The following ZBTB47 variants were observed in gnomAD, a reference collection of about 807,000 sequenced individuals.
The protein encoded by ZBTB47 is zinc finger and BTB domain containing 47.
Under a neutral mutation model 56.6 loss-of-function variants are expected in ZBTB47, and 24 were observed. The ratio of observed to expected loss-of-function variants is 0.42; its 90% CI spans 0.31 to 0.60. The LOEUF (loss-of-function observed/expected upper bound fraction) is 0.60, where lower values mean the gene tolerates loss of function less well. Ranked by LOEUF, ZBTB47 falls within the 20% of genes least tolerant of loss-of-function variation. The pLI, the probability that ZBTB47 is intolerant of heterozygous loss-of-function variation, is 0.14. For synonymous variants in ZBTB47, 414 were observed against 418.9 expected (o/e 0.99, Z 0.14); for missense variants, 829 against 1,032.6 (o/e 0.80, Z 2.70).
rs1710782938 is a variant in ZBTB47, at chr3:42,665,875, CT to C, written c.*1280del. 1 of 152,678 alleles carries C rather than the reference CT, an allele frequency of 6.5e-6. No individual in the cohort carries two copies. Among genetic ancestry groups the C allele is most frequent in the African/African-American group, 2.4e-5 (1 of 41,466 alleles). The allele number at this position is 152,678 out of a possible 1,614,324, so 9.5% of individuals were successfully genotyped here. A position where few individuals can be genotyped will look rare whatever the true frequency, so the allele number is the denominator to read the frequency against. On this transcript the variant is annotated 3_prime_UTR_variant, in exon 6 of 6. Transcript: ENST00000232974. The stretch of plus-strand genomic sequence containing the variant: ...TGTCATTTAATGTCTTTATTCCTGC[CT>C]TTAATATGGGGAGGAAGGTTCCATA...
Position 42,664,984 on chromosome 3 carries a change from C to T in ZBTB47, c.*386C>T, listed in dbSNP as rs914380024. 15 of 170,508 alleles carry T rather than the reference C, an allele frequency of 8.8e-5. No individual in the cohort carries two copies. Among genetic ancestry groups the T allele is most frequent in the Non-Finnish European group, 1.9e-4 (15 of 81,052 alleles). The allele number at this position is 170,508 out of a possible 1,614,324, so 10.6% of individuals were successfully genotyped here. A position where few individuals can be genotyped will look rare whatever the true frequency, so the allele number is the denominator to read the frequency against. ...CCAGTCCCTCTGCCAAGGCCTGTGC[C>T]AGAGGGGTTGGCCAGTTGGAGCCTG... On this transcript the variant is annotated 3_prime_UTR_variant, in exon 6 of 6. Coordinates refer to ENST00000232974, the MANE Select transcript of ZBTB47 (RefSeq NM_145166.4).
rs746147117 is a variant in ZBTB47, at chr3:42,659,593, C to A, written c.1238C>A (p.Ala413Glu). ...RPKPPPGVASASARGPPATDG... is the reference protein window; with the variant it reads ...RPKPPPGVASESARGPPATDG... ...AAGCCACCCCCTGGAGTGGCCTCTG[C>A]ATCGGCCCGAGGGCCGCCAGCCACT... Residue 413 changes from alanine to glutamate, a missense_variant, in exon 2 of 6, where the codon GCA (alanine) becomes GAA (glutamate). Around this residue, in one of 6 missense-constraint regions of ZBTB47, gnomAD observed 187 missense variants for 253.1 expected, o/e 0.74. Transcript: ENST00000232974. 6.2e-7 allele frequency: 1 copy of A among 1,600,342 alleles called. No individual in the cohort carries two copies. The highest frequency in any genetic ancestry group is 1.7e-5 in the Admixed American group (1 of 58,162).
rs1057444721 is a variant in ZBTB47 at position 42,658,271 on chromosome 3, G to T, written c.-81-4G>T. On this transcript the variant is annotated splice_polypyrimidine_tract_variant and splice_region_variant and intron_variant, in intron 1 of 5. Transcript: ENST00000232974. ...ACCCACTCCTGTGCCCTCTGTCCCC[G>T]CAGTTGCTGGTTGAGAAGACAACTG... 3 of 1,469,468 alleles carry T rather than the reference G, an allele frequency of 2.0e-6. No homozygotes were observed. The highest frequency in any genetic ancestry group is 4.5e-5 in the Admixed American group (2 of 44,102). 91.0% of individuals were successfully genotyped at this position (1,469,468 alleles called of 1,614,324 possible).
Position 42,663,669 on chromosome 3 carries a change from C to T in ZBTB47, c.1738-128C>T, listed in dbSNP as rs918383655. 8.0e-7 allele frequency: 1 copy of T among 1,246,892 alleles called. No homozygotes were observed. The highest frequency in any genetic ancestry group is 1.5e-5 in the African/African-American group (1 of 66,462). The allele number at this position is 1,246,892 out of a possible 1,614,324, so 77.2% of individuals were successfully genotyped here. ...TGCACCTCGGCTTGCCCTCATGTCC[C>T]CATCTCCTTGCCCAGGAGCCCCTGA... On this transcript the variant is annotated intron_variant, in intron 4 of 5. Coordinates refer to ENST00000232974, the MANE Select transcript of ZBTB47 (RefSeq NM_145166.4). The surrounding 1 kb of genome is among the most constrained non-coding windows in gnomAD (Gnocchi z 5.1).
At position 42,667,076 on chromosome 3, in the gene ZBTB47, C is replaced by T. The variant is rs1411828848; in HGVS notation, c.*2478C>T. Among the ~76,000 whole-genome samples, 1 of 152,268 alleles carries T rather than the reference C, an allele frequency of 6.6e-6. No individual in the cohort carries two copies. Among genetic ancestry groups the T allele is most frequent in the Non-Finnish European group, 1.5e-5 (1 of 68,050 alleles). The stretch of plus-strand genomic sequence containing the variant: ...GGGGTTCCTGTTTTACTAGCTTTTA[C>T]ATCTTTTTATTTAAAACAAAACAAC... On this transcript the variant is annotated 3_prime_UTR_variant, in exon 6 of 6. Coordinates refer to ENST00000232974, the MANE Select transcript of ZBTB47 (RefSeq NM_145166.4).
chr3:42,659,619 G>A lies in ZBTB47; in HGVS notation c.1264G>A (p.Asp422Asn), dbSNP rs1306860285. ...ATCGGCCCGAGGGCCGCCAGCCACT[G>A]ATGGGCTGGGGGCCAAGGTGAAGCT... ...SASARGPPAT[D>N]GLGAKVKLEE... Residue 422 changes from aspartate to asparagine, a missense_variant, in exon 2 of 6, where the codon GAT (aspartate) becomes AAT (asparagine). Around this residue, in one of 6 missense-constraint regions of ZBTB47, gnomAD observed 187 missense variants for 253.1 expected, o/e 0.74. Transcript: ENST00000232974. 1 of 1,610,182 alleles carries A rather than the reference G, an allele frequency of 6.2e-7. No homozygotes were observed. The highest frequency in any genetic ancestry group is 2.2e-5 in the East Asian group (1 of 44,752).
Position 42,659,701 on chromosome 3 carries a change from G to A in ZBTB47, c.1346G>A (p.Trp449Ter). 2.5e-6 allele frequency: 4 copies of A among 1,613,572 alleles called. No individual in the cohort carries two copies. The highest frequency in any genetic ancestry group is 3.4e-6 in the Non-Finnish European group (4 of 1,179,716). The part of the protein sequence containing the change: ...QKCPRVFNNR[W>*]YLEKHMNVTH... ...TGCCCACGAGTTTTCAACAACCGCT[G>A]GTACCTGGAGAAACACATGAATGTG... Residue 449 changes from tryptophan (W) to a stop codon, truncating the protein, a stop_gained, in exon 2 of 6, where the codon TGG becomes TAG. Transcript: ENST00000232974. LOFTEE classifies it high-confidence loss of function.
intron 2 of ZBTB47, among the ~76,000 whole-genome samples, 191 bp downstream of exon 2, chr3:42,660,019 G>A (rs979685738): frequency 6.6e-6 from 1 of 152,186 alleles, no homozygotes; most frequent in South Asian, 2.1e-4. Flanking sequence ...ACATCAAGCC[G>A]AGCTTCCTGG....
chr3:42,664,725 G>C lies in ZBTB47; in HGVS notation c.*127G>C. On this transcript the variant is annotated 3_prime_UTR_variant, in exon 6 of 6. Transcript: ENST00000232974. ...CCTGCTCCACCTCCAGAAGTGGCTG[G>C]ATGTACCCTGCCTGAGGCCCCGACG... is the stretch of plus-strand genomic sequence containing the variant. 8.5e-7 allele frequency: 1 copy of C among 1,170,254 alleles called. No individual in the cohort carries two copies. The allele number at this position is 1,170,254 out of a possible 1,614,324, so 72.5% of individuals were successfully genotyped here.
chr3:42,664,206 T>C (rs1184825997), intron 5 of ZBTB47, 31 bp from the exon 6 acceptor site: 2 of 1,609,634 alleles, frequency 1.2e-6, no homozygotes, highest in South Asian at 2.2e-5. Flanking sequence ...GACCCCTCAC[T>C]GACGCCCTGC....
Position 42,654,844 on chromosome 3 carries a change from G to A in ZBTB47, c.-82+961G>A. On this transcript the variant is annotated intron_variant, in intron 1 of 5. Transcript: ENST00000232974. The surrounding 1 kb of genome is among the most constrained non-coding windows in gnomAD (Gnocchi z 5.0). Reference sequence around the variant, plus strand: ...CGGCTCCATCTGCTGGGTCCCGCGGGCCGGGAATGCGGCGCTGTGGCGCTG... The same window carrying A: ...CGGCTCCATCTGCTGGGTCCCGCGGACCGGGAATGCGGCGCTGTGGCGCTG... 2.5e-6 allele frequency: 1 copy of A among 394,324 alleles called. No homozygotes were observed. The highest frequency in any genetic ancestry group is 3.5e-6 in the Non-Finnish European group (1 of 289,588). 24.4% of individuals were successfully genotyped at this position (394,324 alleles called of 1,614,324 possible).
In ZBTB47 at chr3:42,664,749, C is replaced by T. The variant is rs938692013; in HGVS notation, c.*151C>T. On this transcript the variant is annotated 3_prime_UTR_variant, in exon 6 of 6. Coordinates refer to ENST00000232974, the MANE Select transcript of ZBTB47 (RefSeq NM_145166.4). ...GGATGTACCCTGCCTGAGGCCCCGACGAGGAGGGGTATGCAGGCTGGCAGG... is the reference window on the plus strand; with the variant it reads ...GGATGTACCCTGCCTGAGGCCCCGATGAGGAGGGGTATGCAGGCTGGCAGG... The T allele has an allele frequency of 6.5e-6, 6 of 923,228 alleles. No homozygotes were observed. Among genetic ancestry groups the T allele is most frequent in the South Asian group, 7.4e-5 (2 of 27,022 alleles). The allele number at this position is 923,228 out of a possible 1,614,324, so 57.2% of individuals were successfully genotyped here. A position where few individuals can be genotyped will look rare whatever the true frequency, so the allele number is the denominator to read the frequency against.
chr3:42,655,213 C>T (rs1279428060), intron 1 of ZBTB47, among the ~76,000 whole-genome samples: 1 of 152,120 alleles, frequency 6.6e-6, no homozygotes, highest in Non-Finnish European at 1.5e-5. Context: ...AGGAGGCTGG[C>T]ATGGACACTC....
In ZBTB47 at chr3:42,658,732, A is replaced by C; in HGVS notation, c.377A>C (p.Gln126Pro). 6.5e-7 allele frequency: 1 copy of C among 1,533,014 alleles called. No individual in the cohort carries two copies. The highest frequency in any genetic ancestry group is 8.7e-7 in the Non-Finnish European group (1 of 1,144,860). The allele number at this position is 1,533,014 out of a possible 1,614,324, so 95.0% of individuals were successfully genotyped here. Reference sequence around the variant, plus strand: ...GGTCCGGGCACTGTGGCCCTGGCCCAGCCGGCTGCCAGCTGCACTCCAGCT... The same window carrying C: ...GGTCCGGGCACTGTGGCCCTGGCCCCGCCGGCTGCCAGCTGCACTCCAGCT... ...PPGPGTVALA[Q>P]PAASCTPAAP... The change falls in exon 2 of 6, where the codon CAG becomes CCG. Residue 126 changes from glutamine to proline, a missense_variant. Gln to Pro is a moderately conservative substitution (Grantham distance 76). Around this residue, in one of 6 missense-constraint regions of ZBTB47, gnomAD observed 120 missense variants for 200.2 expected, o/e 0.60. Transcript: ENST00000232974.
At chr3:42,661,381 A>G (rs1173529803) in intron 2 of ZBTB47, 104 bp from the exon 3 acceptor site, 1 of 1,354,024 alleles carries the variant, frequency 7.4e-7, no homozygotes, top group African/African-American at 1.5e-5. Context: ...GCTCTCCAGC[A>G]TATTTCAAGT....
chr3:42,665,617 C>G lies in ZBTB47; in HGVS notation c.*1019C>G, dbSNP rs1051492057. On this transcript the variant is annotated 3_prime_UTR_variant, in exon 6 of 6. Coordinates refer to ENST00000232974, the MANE Select transcript of ZBTB47 (RefSeq NM_145166.4). ...GTGTCCATCTCTGCTCCCCCAAAGGCCCGCTCTAGGCCTTATCCTCCCTCT... is the reference window on the plus strand; with the variant it reads ...GTGTCCATCTCTGCTCCCCCAAAGGGCCGCTCTAGGCCTTATCCTCCCTCT... The G allele has an allele frequency of 1.3e-5, 2 of 152,914 alleles. No individual in the cohort carries two copies. The highest frequency in any genetic ancestry group is 2.9e-5 in the Non-Finnish European group (2 of 68,266). The allele number at this position is 152,914 out of a possible 1,614,324, so 9.5% of individuals were successfully genotyped here.
In ZBTB47 at chr3:42,658,266, TC is replaced by T; in HGVS notation, c.-81-5del. On this transcript the variant is annotated splice_region_variant and splice_polypyrimidine_tract_variant and intron_variant, in intron 1 of 5. Transcript: ENST00000232974. Reference sequence around the variant, plus strand: ...CCTTGACCCACTCCTGTGCCCTCTGTCCCCGCAGTTGCTGGTTGAGAAGACA... The same window carrying T: ...CCTTGACCCACTCCTGTGCCCTCTGTCCCGCAGTTGCTGGTTGAGAAGACA... The T allele has an allele frequency of 6.8e-7, 1 of 1,468,980 alleles. No individual in the cohort carries two copies. The highest frequency in any genetic ancestry group is 9.0e-7 in the Non-Finnish European group (1 of 1,113,508). 91.0% of individuals were successfully genotyped at this position (1,468,980 alleles called of 1,614,324 possible).
rs1710724646 is a variant in ZBTB47 at position 42,661,763 on chromosome 3, G to A, written c.1621+131G>A. 44 of 1,296,070 alleles carry A rather than the reference G, an allele frequency of 3.4e-5. No individual in the cohort carries two copies. In the South Asian group the frequency reaches 6.3e-4, roughly 19 times the overall value. 80.3% of individuals were successfully genotyped at this position (1,296,070 alleles called of 1,614,324 possible). A position where few individuals can be genotyped will look rare whatever the true frequency, so the allele number is the denominator to read the frequency against. ...GAGGCCCCTCTCAGCTAGGAGGCCTGGGGAGGTTGGTTCCAGTGGCAGGTG... is the reference window on the plus strand; with the variant it reads ...GAGGCCCCTCTCAGCTAGGAGGCCTAGGGAGGTTGGTTCCAGTGGCAGGTG... On this transcript the variant is annotated intron_variant, in intron 3 of 5. Transcript: ENST00000232974.
upstream of ZBTB47, among the ~76,000 whole-genome samples, chr3:42,653,309 C>T (rs890543291): frequency 1.3e-5 from 2 of 152,224 alleles, no homozygotes; most frequent in African/African-American, 4.8e-5. Context: ...TTCCTGCCCA[C>T]TCGTGAGTAG....
Sources: gnomAD v4.1 joint callset for allele counts (sites outside exome capture counted in the v4.1 genomes callset) on GRCh38, gnomAD v4.1.1 for gene constraint, gnomAD v4.1.1 regional missense constraint, Gnocchi (gnomAD v3.1) non-coding constraint, MANE v1.5 for transcripts, NCBI Gene and HGNC (gene_info 2026-07-23, HGNC 2026-07-21) for gene names.